CD33: variants seen among roughly 807,000 people sequenced by gnomAD.
The protein encoded by CD33 is CD33 molecule.
In CD33, 25 loss-of-function variants were observed where a neutral mutation model predicts 31.4. That is an observed-to-expected ratio of 0.80 (90% CI 0.58 to 1.11). The LOEUF (loss-of-function observed/expected upper bound fraction) is 1.11. CD33 is among the 50% of genes most tolerant of loss of function. The pLI is 0.00. For missense variants in CD33, 407 were observed against 448.1 expected (o/e 0.91, Z 0.83); for synonymous variants, 176 against 180.6 (o/e 0.97, Z 0.20).
intron 4 of CD33, 73 bp from the exon 5 acceptor site, chr19:51,235,084 A>T: frequency 8.0e-7 from 1 of 1,255,988 alleles, no homozygotes; most frequent in East Asian, 2.3e-5. Context: ...ACCCCTCTCT[A>T]CATGCTGGAG....
At chr19:51,226,120 T>C in intron 3 of CD33, 39 bp downstream of exon 3, 2 of 1,603,698 alleles carry the variant, frequency 1.2e-6, no homozygotes, top group Non-Finnish European at 8.5e-7. Context: ...CCTGAGGGTG[T>C]AGGGGAGACA....
In CD33 at chr19:51,226,255, A is replaced by C. The variant is rs1360557342; in HGVS notation, c.698-54A>C. Reference sequence around the variant, plus strand: ...CTGGCAGGAGTAAGGGGAAATGCCTACCCTTATCTCATCTCTACCCCCAAC... The same window carrying C: ...CTGGCAGGAGTAAGGGGAAATGCCTCCCCTTATCTCATCTCTACCCCCAAC... On this transcript the variant is annotated intron_variant, in intron 3 of 6. Coordinates refer to ENST00000262262, the MANE Select transcript of CD33 (RefSeq NM_001772.4). 1.9e-6 allele frequency: 3 copies of C among 1,551,256 alleles called. No homozygotes were observed. In the East Asian group the frequency reaches 6.8e-5, roughly 35 times the overall value.
At chr19:51,225,045 C>T (rs1980881570), upstream of CD33, 2 of 1,582,470 alleles carry the variant, frequency 1.3e-6, no homozygotes, top group African/African-American at 1.3e-5. Context: ...CCTGTCCGGC[C>T]CTGTAGTCCT....
chr19:51,232,119 T>G (rs1301873499), intron 4 of CD33, among the ~76,000 whole-genome samples: 1 of 152,262 alleles, frequency 6.6e-6, no homozygotes. Context: ...CCTTAGTTTT[T>G]GCTTATCTAT....
At chr19:51,228,517 G>A (rs1981188529) in intron 4 of CD33, among the ~76,000 whole-genome samples, 1 of 152,100 alleles carries the variant, frequency 6.6e-6, no homozygotes. Flanking sequence ...TTCTCTTATA[G>A]CTATTGTAAA....
the CD33 span, among the ~76,000 whole-genome samples, chr19:51,213,935 C>T: frequency 5.1e-3 from 773 of 150,184 alleles, 4 homozygotes; most frequent in Non-Finnish European, 9.3e-3. Context: ...TCTCACCTCA[C>T]TGCAACCTCC....
the CD33 span, among the ~76,000 whole-genome samples, chr19:51,219,186 G>T: frequency 1.3e-5 from 2 of 152,018 alleles, no homozygotes; most frequent in Non-Finnish European, 2.9e-5. Flanking sequence ...ATTCATCTGT[G>T]TCATCTACAA....
chr19:51,232,129 T>A (rs1435867179), intron 4 of CD33, among the ~76,000 whole-genome samples: 1 of 152,252 alleles, frequency 6.6e-6, no homozygotes, highest in Non-Finnish European at 1.5e-5. Context: ...TGCTTATCTA[T>A]GAAATATTTT....
upstream of CD33, among the ~76,000 whole-genome samples, chr19:51,222,024 C>T (rs1488757238): frequency 2.6e-5 from 4 of 152,102 alleles, no homozygotes; most frequent in African/African-American, 9.7e-5. Flanking sequence ...GGGTTGACTA[C>T]CCAGAGACAG....
chr19:51,234,212 T>A (rs73932888), intron 4 of CD33, among the ~76,000 whole-genome samples: 1 of 152,062 alleles, frequency 6.6e-6, no homozygotes, highest in Non-Finnish European at 1.5e-5. Context: ...TTACACATAG[T>A]TTCCCCGGCC....
upstream of CD33, chr19:51,225,035 C>T: frequency 6.4e-7 from 1 of 1,556,000 alleles, no homozygotes. Flanking sequence ...TCCCCAGCTT[C>T]CTGTCCGGCC....
intron 4 of CD33, among the ~76,000 whole-genome samples, chr19:51,231,848 T>G (rs1199353486): frequency 6.6e-6 from 1 of 152,172 alleles, no homozygotes. Context: ...AGTCTCGACC[T>G]CCTGGGCTTA....
chr19:51,219,284 T>C, the CD33 span, among the ~76,000 whole-genome samples: 37 of 152,332 alleles, frequency 2.4e-4, no homozygotes, highest in African/African-American at 7.5e-4. Context: ...TCTGTTGCAA[T>C]TGAAAATGAG....
chr19:51,221,685 C>A (rs76875503), upstream of CD33, among the ~76,000 whole-genome samples: 436 of 152,328 alleles, frequency 2.9e-3, 2 homozygotes, highest in Non-Finnish European at 4.6e-3. Context: ...CAGTTACACA[C>A]AGAAACCTGC....
chr19:51,226,525 C>T (rs73932885), intron 4 of CD33, among the ~76,000 whole-genome samples, 169 bp downstream of exon 4: 27 of 152,248 alleles, frequency 1.8e-4, no homozygotes, highest in African/African-American at 6.3e-4. Flanking sequence ...AGCAACTTCC[C>T]CCTTGCCCAT....
At chr19:51,214,135 C>T in the CD33 span, among the ~76,000 whole-genome samples, 1 of 150,686 alleles carries the variant, frequency 6.6e-6, no homozygotes, top group Non-Finnish European at 1.5e-5. Context: ...GCTGGGATTA[C>T]AGGCATGAGC....
intron 5 of CD33, 66 bp from the exon 6 acceptor site, chr19:51,235,529 A>T: frequency 6.5e-7 from 1 of 1,544,080 alleles, no homozygotes; most frequent in Non-Finnish European, 8.7e-7. Context: ...CCCTCATTCC[A>T]GGCTCATAAC....
the CD33 span, among the ~76,000 whole-genome samples, chr19:51,213,379 A>C: frequency 6.6e-6 from 1 of 152,158 alleles, no homozygotes; most frequent in South Asian, 2.1e-4. Context: ...CTCAAAAAAA[A>C]CCTCTAACTT....
intron 4 of CD33, among the ~76,000 whole-genome samples, chr19:51,229,734 A>T (rs1194656411): frequency 6.6e-6 from 1 of 151,822 alleles, no homozygotes; most frequent in Non-Finnish European, 1.5e-5. Flanking sequence ...AACCATTGTG[A>T]CATCTTCTTT....
Sources: gnomAD v4.1 joint callset for allele counts (sites outside exome capture counted in the v4.1 genomes callset) on GRCh38, gnomAD v4.1.1 for gene constraint, MANE v1.5 for transcripts, NCBI Gene and HGNC (gene_info 2026-07-23, HGNC 2026-07-21) for gene names.